Variants in IL1RAPL1 observed in about 807,000 individuals in gnomAD.
IL1RAPL1 encodes the protein interleukin-1 receptor accessory protein-like 1.
In IL1RAPL1, 3 loss-of-function variants were observed where a neutral mutation model predicts 48.4. The observed-to-expected ratio is 0.06, with a 90% CI of 0.03 to 0.16. The LOEUF (loss-of-function observed/expected upper bound fraction) is 0.16. IL1RAPL1 is among the 10% of genes least tolerant of loss of function. IL1RAPL1 has a pLI of 1.00. For missense variants in IL1RAPL1, 349 were observed against 530.6 expected (o/e 0.66, Z 3.36); for synonymous variants, 185 against 187.7 (o/e 0.99, Z 0.12).
At chrX:29,850,507 G>A (rs948604494) in intron 6 of IL1RAPL1, among the ~76,000 whole-genome samples, 4 of 112,423 alleles carry the variant, frequency 3.6e-5, no homozygotes, top group African/African-American at 1.3e-4. Context: ...AAGAACATGT[G>A]ATTCCCGGAT....
chrX:29,837,696 C>A (rs1488949938), intron 6 of IL1RAPL1, among the ~76,000 whole-genome samples: 1 of 111,873 alleles, frequency 8.9e-6, no homozygotes, highest in Non-Finnish European at 1.9e-5. Flanking sequence ...TTCTCACTTC[C>A]ATGATATTTA....
rs1374032556 is a variant in IL1RAPL1 at position 29,308,791 on chromosome X, G to A, written c.362+25574G>A. On this transcript the variant is annotated intron_variant, in intron 3 of 10. Coordinates refer to ENST00000378993, the MANE Select transcript of IL1RAPL1 (RefSeq NM_014271.4). ...ATGATCAATAGAAAACATTGTCCAA[G>A]CGTCCTGGCTTTCCTCAGGCAAGAT... is the stretch of plus-strand genomic sequence containing the variant. Among the ~76,000 whole-genome samples the A allele has an allele frequency of 4.5e-5, 5 of 111,960 alleles. No homozygotes were observed. The East Asian group carries it at 1.4e-3, about 31-fold the overall frequency.
intron 2 of IL1RAPL1, among the ~76,000 whole-genome samples, chrX:29,267,672 A>G (rs1432989011): frequency 8.9e-6 from 1 of 111,829 alleles, no homozygotes; most frequent in Non-Finnish European, 1.9e-5. Context: ...CATTTTCTGC[A>G]TGAGTCAGTT....
chrX:29,073,770 CACTA>C (rs1218731525), intron 2 of IL1RAPL1, among the ~76,000 whole-genome samples: 1 of 111,318 alleles, frequency 9.0e-6, no homozygotes, highest in African/African-American at 3.3e-5. Context: ...TTATCTTTCC[CACTA>C]ACTCTTTTAT....
chrX:29,066,586 G>A (rs1337570232), intron 2 of IL1RAPL1, among the ~76,000 whole-genome samples: 1 of 112,112 alleles, frequency 8.9e-6, no homozygotes, highest in African/African-American at 3.2e-5. Context: ...TGCTTTATGA[G>A]CAGGGTGTTG....
intron 2 of IL1RAPL1, among the ~76,000 whole-genome samples, chrX:28,804,959 G>A (rs1455487164): frequency 9.0e-6 from 1 of 111,182 alleles, no homozygotes; most frequent in Non-Finnish European, 1.9e-5. Flanking sequence ...GGTGGAAAAA[G>A]ATAGATGGGA....
At chrX:29,410,289 C>T (rs1934126839) in intron 5 of IL1RAPL1, among the ~76,000 whole-genome samples, 1 of 109,510 alleles carries the variant, frequency 9.1e-6, no homozygotes, top group South Asian at 4.0e-4. Flanking sequence ...GGTGAAACCC[C>T]GTCTCTACCA....
At chrX:29,849,629 G>A (rs984328477) in intron 6 of IL1RAPL1, among the ~76,000 whole-genome samples, 4 of 111,136 alleles carry the variant, frequency 3.6e-5, no homozygotes, top group Non-Finnish European at 7.5e-5. Flanking sequence ...GAACAACTGA[G>A]CTATCGAAAG....
At chrX:29,944,327 A>G (rs1933181223) in intron 9 of IL1RAPL1, among the ~76,000 whole-genome samples, 1 of 111,483 alleles carries the variant, frequency 9.0e-6, no homozygotes, top group South Asian at 3.8e-4. Context: ...TTCCTGCTGA[A>G]ATGGTGGTCA....
intron 5 of IL1RAPL1, among the ~76,000 whole-genome samples, chrX:29,659,131 C>T (rs1255510343): frequency 8.9e-6 from 1 of 111,885 alleles, no homozygotes; most frequent in Non-Finnish European, 1.9e-5. Flanking sequence ...CATCACACTA[C>T]TTGAGTTCAA....
intron 6 of IL1RAPL1, among the ~76,000 whole-genome samples, chrX:29,815,036 T>G: frequency 8.9e-6 from 1 of 112,086 alleles, no homozygotes; most frequent in Middle Eastern, 4.6e-3. Flanking sequence ...TTCTTTTTGC[T>G]TAGAACCGCT....
intron 2 of IL1RAPL1, among the ~76,000 whole-genome samples, chrX:29,185,899 G>A (rs978342626): frequency 1.8e-5 from 2 of 110,722 alleles, no homozygotes; most frequent in African/African-American, 3.3e-5. Flanking sequence ...TTTTGACAAA[G>A]GAAATAAAGA....
chrX:28,899,056 C>T (rs1923006260), intron 2 of IL1RAPL1, among the ~76,000 whole-genome samples: 1 of 111,183 alleles, frequency 9.0e-6, no homozygotes, highest in Non-Finnish European at 1.9e-5. Context: ...CTGGGGAGGC[C>T]TCAGGAAAGT....
chrX:29,802,978 T>G (rs1475565515), intron 6 of IL1RAPL1, among the ~76,000 whole-genome samples: 1 of 83,585 alleles, frequency 1.2e-5, no homozygotes. Flanking sequence ...CATATATACA[T>G]ACATGTGTAC....
intron 1 of IL1RAPL1, among the ~76,000 whole-genome samples, chrX:28,774,431 G>A (rs1353307921): frequency 1.8e-5 from 2 of 111,315 alleles, no homozygotes; most frequent in East Asian, 5.7e-4. Context: ...ATTGGATGGG[G>A]CAGCAGTCAT....
At chrX:29,773,425 G>A in intron 6 of IL1RAPL1, among the ~76,000 whole-genome samples, 1 of 112,353 alleles carries the variant, frequency 8.9e-6, no homozygotes, top group East Asian at 2.8e-4. Context: ...TCTTTTATCT[G>A]TCACTGTGCG....
intron 5 of IL1RAPL1, among the ~76,000 whole-genome samples, chrX:29,560,850 T>C (rs1922171887): frequency 8.9e-6 from 1 of 112,373 alleles, no homozygotes; most frequent in Admixed American, 9.4e-5. Context: ...AGGCAGTTCT[T>C]AGATCTTTAT....
intron 5 of IL1RAPL1, among the ~76,000 whole-genome samples, chrX:29,437,552 G>C (rs1934495928): frequency 1.8e-5 from 2 of 110,330 alleles, no homozygotes; most frequent in Admixed American, 1.9e-4. Flanking sequence ...TTAGCTGTAG[G>C]TTTTTTATAG....
chrX:29,031,812 A>G (rs1207715535), intron 2 of IL1RAPL1, among the ~76,000 whole-genome samples: 1 of 111,598 alleles, frequency 9.0e-6, no homozygotes, highest in Non-Finnish European at 1.9e-5. Context: ...CCACTTGGCC[A>G]CAAGTGACTT....
Sources: allele counts gnomAD v4.1 joint callset (sites outside exome capture counted in the v4.1 genomes callset), GRCh38; gene constraint gnomAD v4.1.1; transcripts MANE v1.5; gene names NCBI Gene and HGNC (gene_info 2026-07-23, HGNC 2026-07-21).